Variants in TSPAN17 observed in about 807,000 individuals in gnomAD.
The protein encoded by TSPAN17 is tetraspanin 17.
Under a neutral mutation model 40.5 loss-of-function variants are expected in TSPAN17, and 33 were observed. The ratio of observed to expected loss-of-function variants is 0.81; its 90% CI spans 0.62 to 1.09. The LOEUF (loss-of-function observed/expected upper bound fraction) is 1.09. Ranked by LOEUF, TSPAN17 falls within the 50% of genes least tolerant of loss-of-function variation. The probability of loss-of-function intolerance (pLI) is 0.00; values close to 1 mark genes in which losing one functional copy is unlikely to be tolerated. For missense variants in TSPAN17, 365 were observed against 416.8 expected, an observed-to-expected ratio of 0.88 and a Z score of 1.08; for synonymous variants, 166 against 169.4, an observed-to-expected ratio of 0.98 and a Z score of 0.15.
At chr5:176,656,349 C>T (rs748748685) in intron 6 of TSPAN17, among the ~76,000 whole-genome samples, 10 of 152,166 alleles carry the variant, frequency 6.6e-5, no homozygotes, top group Non-Finnish European at 5.9e-5. Context: ...TTGGGGTGCC[C>T]GGCTTTGCCC....
At chr5:176,657,022 C>A (rs532280960) in intron 8 of TSPAN17, 66 bp downstream of exon 8, 1 of 1,500,654 alleles carries the variant, frequency 6.7e-7, no homozygotes, top group Non-Finnish European at 9.1e-7. Context: ...CCCCCCAGGA[C>A]CCTCCTACTA....
chr5:176,656,992 C>A (rs747564387), intron 8 of TSPAN17, 36 bp downstream of exon 8: 1 of 1,602,150 alleles, frequency 6.2e-7, no homozygotes, highest in East Asian at 2.2e-5. Flanking sequence ...CATGCCTGGC[C>A]TACGCAGGCC....
At chr5:176,656,992 C>T (rs747564387) in intron 8 of TSPAN17, 36 bp downstream of exon 8, 2 of 1,602,036 alleles carry the variant, frequency 1.2e-6, no homozygotes, top group Non-Finnish European at 1.7e-6. Flanking sequence ...CATGCCTGGC[C>T]TACGCAGGCC....
At chr5:176,655,924 G>T (rs968278857) in intron 5 of TSPAN17, among the ~76,000 whole-genome samples, 154 bp from the exon 6 acceptor site, 8 of 151,748 alleles carry the variant, frequency 5.3e-5, no homozygotes, top group Non-Finnish European at 7.4e-5. Flanking sequence ...AAGCACATGG[G>T]CCTCAGAGAG....
rs1581195530 is a variant in TSPAN17, at chr5:176,652,931, C to G, written c.456+18C>G. ...AGGAATACGTGAGTCCAGTGTCCAG[C>G]CTGGGACACCTGTAGGAGGCGCCTT... On this transcript the variant is annotated intron_variant, in intron 4 of 8. Coordinates refer to ENST00000508164, the MANE Select transcript of TSPAN17 (RefSeq NM_130465.5). 1.2e-6 allele frequency: 2 copies of G among 1,612,738 alleles called. No homozygotes were observed. The highest frequency in any genetic ancestry group is 2.2e-5 in the East Asian group (1 of 44,876).
At chr5:176,648,960 G>T (rs139291188) in intron 1 of TSPAN17, among the ~76,000 whole-genome samples, 1 of 152,230 alleles carries the variant, frequency 6.6e-6, no homozygotes, top group Non-Finnish European at 1.5e-5. Context: ...GCAGAGGGTG[G>T]AGGTGAGGCA....
intron 8 of TSPAN17, chr5:176,657,191 G>A (rs1761192684): frequency 2.3e-5 from 14 of 617,608 alleles, no homozygotes; most frequent in African/African-American, 3.7e-5. Context: ...GCAGGCACAC[G>A]TGTGCACAGG....
intron 8 of TSPAN17, 30 bp from the exon 9 acceptor site, chr5:176,657,488 A>G (rs1377862652): frequency 3.2e-6 from 5 of 1,554,526 alleles, no homozygotes; most frequent in South Asian, 1.2e-5. Flanking sequence ...AATGGGTCCA[A>G]GAATTTTCTT....
chr5:176,656,163 G>A (rs761940496), intron 6 of TSPAN17, 38 bp downstream of exon 6: 1 of 1,610,148 alleles, frequency 6.2e-7, no homozygotes, highest in Non-Finnish European at 8.5e-7. Context: ...CAGGCAGGCA[G>A]GGGTACTGGG....
chr5:176,649,396 T>C (rs1760874795), intron 1 of TSPAN17, among the ~76,000 whole-genome samples: 1 of 151,818 alleles, frequency 6.6e-6, no homozygotes, highest in African/African-American at 2.4e-5. Flanking sequence ...TGTTGTTCTG[T>C]TTGGAAACTG....
At chr5:176,655,970 G>A (rs549924121) in intron 5 of TSPAN17, 108 bp from the exon 6 acceptor site, 9 of 957,198 alleles carry the variant, frequency 9.4e-6, no homozygotes, top group African/African-American at 3.2e-5. Context: ...CAGAATCCAC[G>A]GGCCCATCTG....
intron 8 of TSPAN17, 84 bp downstream of exon 8, chr5:176,657,040 G>A: frequency 7.3e-7 from 1 of 1,371,126 alleles, no homozygotes; most frequent in Non-Finnish European, 1.0e-6. Flanking sequence ...CTATACTCCT[G>A]ACGGGCAAGG....
intron 6 of TSPAN17, 78 bp from the exon 7 acceptor site, chr5:176,656,622 C>A: frequency 1.4e-6 from 2 of 1,437,494 alleles, no homozygotes; most frequent in Non-Finnish European, 1.9e-6. Context: ...CTGGGGTGGG[C>A]GTGAGCTTGG....
At chr5:176,652,052 C>T (rs1394437692) in intron 3 of TSPAN17, 152 bp downstream of exon 3, 14 of 1,155,130 alleles carry the variant, frequency 1.2e-5, no homozygotes, top group South Asian at 4.8e-5. Flanking sequence ...GGATCCTTTC[C>T]GTGGTATGGT....
rs1244562622 is a variant in TSPAN17 at position 176,651,607 on chromosome 5, C to T, written c.88-9C>T. On this transcript the variant is annotated splice_polypyrimidine_tract_variant and intron_variant, in intron 1 of 8. Transcript: ENST00000508164. The surrounding 1 kb of genome is among the most constrained non-coding windows in gnomAD (Gnocchi z 4.5). ...CCCAGCCCTGAGCTCTTTGTTGCTG[C>T]CCTTGCAGGTGCTGGGAGCCCTGTT... The T allele has an allele frequency of 6.2e-7, 1 of 1,611,742 alleles. No homozygotes were observed. The highest frequency in any genetic ancestry group is 8.5e-7 in the Non-Finnish European group (1 of 1,178,816).
In TSPAN17 at chr5:176,654,746, C is replaced by A. The variant is rs1561918353; in HGVS notation, c.457-149C>A. ...CACCAGCCTGGAGGTTGGGCCCAGGCCTGTGGGGGTGGGGAGGTGGCCACC... is the reference window on the plus strand; with the variant it reads ...CACCAGCCTGGAGGTTGGGCCCAGGACTGTGGGGGTGGGGAGGTGGCCACC... On this transcript the variant is annotated intron_variant, in intron 4 of 8. Coordinates refer to ENST00000508164, the MANE Select transcript of TSPAN17 (RefSeq NM_130465.5). This position sits in a 1 kb window ranked among gnomAD's most constrained non-coding sequence, Gnocchi z 4.3. 1.0e-6 allele frequency: 1 copy of A among 981,156 alleles called. No individual in the cohort carries two copies. Among genetic ancestry groups the A allele is most frequent in the Non-Finnish European group, 1.5e-6 (1 of 671,616 alleles). 60.8% of individuals were successfully genotyped at this position (981,156 alleles called of 1,614,324 possible).
rs1328726630 is a variant in TSPAN17, at chr5:176,652,714, A to G, written c.286-29A>G. 5.0e-6 allele frequency: 8 copies of G among 1,610,652 alleles called. No individual in the cohort carries two copies. In the Admixed American group the frequency reaches 5.0e-5, roughly 10 times the overall value. On this transcript the variant is annotated intron_variant, in intron 3 of 8. Coordinates refer to ENST00000508164, the MANE Select transcript of TSPAN17 (RefSeq NM_130465.5). ...AGGTCACCAGAGCCCTGCGTTTCCA[A>G]CCCCTACTGTCTGTATGCCCAACCC...
Position 176,657,747 on chromosome 5 carries a change from C to A in TSPAN17, c.*49C>A, listed in dbSNP as rs377194568. On this transcript the variant is annotated 3_prime_UTR_variant, in exon 9 of 9. Transcript: ENST00000508164. ...ACAGCTTCTCTTGAAGAATGACCAC[C>A]TGGCTACGCCGGCTCTTCGGTGGCA... is the stretch of plus-strand genomic sequence containing the variant. The A allele has an allele frequency of 1.9e-4, 290 of 1,524,676 alleles. 1 individual carries two copies. The highest frequency in any genetic ancestry group is 5.0e-4 in the Middle Eastern group (2 of 4,028). The allele number at this position is 1,524,676 out of a possible 1,614,324, so 94.4% of individuals were successfully genotyped here.
intron 8 of TSPAN17, 44 bp from the exon 9 acceptor site, chr5:176,657,474 C>T: frequency 6.4e-7 from 1 of 1,551,852 alleles, no homozygotes; most frequent in Non-Finnish European, 8.7e-7. Flanking sequence ...GTCCCAGACT[C>T]TGAAATGGGT....
Sources: allele counts gnomAD v4.1 joint callset (sites outside exome capture counted in the v4.1 genomes callset), GRCh38; gene constraint gnomAD v4.1.1; non-coding constraint Gnocchi (gnomAD v3.1); transcripts MANE v1.5; gene names NCBI Gene and HGNC (gene_info 2026-07-23, HGNC 2026-07-21).